DLG2: variants seen among roughly 807,000 people sequenced by gnomAD.
The protein encoded by DLG2 is discs large MAGUK scaffold protein 2.
DLG2 carries 45 observed loss-of-function variants against 132.5 expected under a neutral mutation model. That is an observed-to-expected ratio of 0.34 (90% CI 0.27 to 0.44). The LOEUF (loss-of-function observed/expected upper bound fraction) is 0.44. Ranked by LOEUF, DLG2 falls within the 20% of genes least tolerant of loss-of-function variation. DLG2 has a pLI of 1.00. For missense variants in DLG2, 1,045 were observed against 1,196.9 expected, an observed-to-expected ratio of 0.87 and a Z score of 1.87; for synonymous variants, 424 against 419.6, an observed-to-expected ratio of 1.01 and a Z score of -0.13.
intron 3 of DLG2, among the ~76,000 whole-genome samples, chr11:85,341,038 C>T (rs1489630686): frequency 6.6e-6 from 1 of 152,118 alleles, no homozygotes; most frequent in South Asian, 2.1e-4. Context: ...TGACTGAATT[C>T]TTTTCTTGTT....
rs56043190 is a variant in DLG2, at chr11:85,104,872, C to CAA, written c.357+6787_357+6788dup. On this transcript the variant is annotated intron_variant, in intron 6 of 27. Coordinates refer to ENST00000376104, the MANE Select transcript of DLG2 (RefSeq NM_001142699.3). ...TTCTATTAGATCTTTGGCTGAATGG[C>CAA]AAAAAAAAAAAAAAAAAAAAAAAAA... Among the ~76,000 whole-genome samples the CAA allele has an allele frequency of 1.4e-3, 79 of 56,044 alleles. 9 individuals carry two copies. The highest frequency in any genetic ancestry group is 3.9e-3 in the South Asian group (4 of 1,014). 36.8% of individuals were successfully genotyped at this position (56,044 alleles called of 152,430 possible). A position where few individuals can be genotyped will look rare whatever the true frequency, so the allele number is the denominator to read the frequency against.
At chr11:84,172,297 C>A (rs1609905) in intron 8 of DLG2, among the ~76,000 whole-genome samples, 2 of 151,982 alleles carry the variant, frequency 1.3e-5, no homozygotes, top group Admixed American at 1.3e-4. Context: ...TTTAAATAAA[C>A]GCTCACAAGC....
At chr11:84,670,589 A>T (rs2099704714) in intron 6 of DLG2, among the ~76,000 whole-genome samples, 1 of 152,180 alleles carries the variant, frequency 6.6e-6, no homozygotes, top group Non-Finnish European at 1.5e-5. Context: ...GCATAATATA[A>T]TAATTCAAAC....
chr11:84,657,659 T>C (rs2099689841), intron 6 of DLG2, among the ~76,000 whole-genome samples: 1 of 152,102 alleles, frequency 6.6e-6, no homozygotes. Context: ...CCTATGAGAA[T>C]CTAATGCCGT....
At chr11:84,378,797 T>C (rs1327218877) in intron 7 of DLG2, among the ~76,000 whole-genome samples, 3 of 148,756 alleles carry the variant, frequency 2.0e-5, no homozygotes, top group African/African-American at 7.7e-5. Flanking sequence ...AAAAAAAAAT[T>C]AGTTGGGCGT....
At chr11:84,088,376 A>AG in intron 10 of DLG2, among the ~76,000 whole-genome samples, 1 of 125,338 alleles carries the variant, frequency 8.0e-6, no homozygotes, top group South Asian at 2.3e-4. Context: ...TTTGCTAGAG[A>AG]AAAAAAAAAA....
At chr11:83,724,522 A>AGAGAGAGAGAGAGAGAGAG (rs1593148600) in intron 18 of DLG2, among the ~76,000 whole-genome samples, 4 of 144,430 alleles carry the variant, frequency 2.8e-5, no homozygotes, top group South Asian at 2.2e-4. Context: ...AGAGAGAGAG[A>AGAGAGAGAGAGAGAGAGAG]ATATCAAGAG....
chr11:85,083,206 A>G (rs2067469437), intron 6 of DLG2, among the ~76,000 whole-genome samples: 1 of 152,106 alleles, frequency 6.6e-6, no homozygotes, highest in African/African-American at 2.4e-5. Flanking sequence ...TATACAGCAA[A>G]AGAAACCTTA....
intron 6 of DLG2, among the ~76,000 whole-genome samples, chr11:84,875,345 T>A (rs1469377282): frequency 6.6e-6 from 1 of 152,074 alleles, no homozygotes; most frequent in Non-Finnish European, 1.5e-5. Flanking sequence ...TGATAACTAA[T>A]TTCATGCAAA....
intron 3 of DLG2, among the ~76,000 whole-genome samples, chr11:85,308,183 A>AATAAT (rs1420999188): frequency 7.4e-5 from 11 of 149,600 alleles, no homozygotes; most frequent in East Asian, 1.9e-4. Context: ...AATAAAATAA[A>AATAAT]ATAAAATAAA....
chr11:84,932,936 G>A (rs1313611339), intron 6 of DLG2, among the ~76,000 whole-genome samples: 4 of 152,140 alleles, frequency 2.6e-5, no homozygotes, highest in Non-Finnish European at 5.9e-5. Flanking sequence ...AGGAATCACC[G>A]TAATATCTTC....
chr11:84,941,828 T>C (rs2049470835), intron 6 of DLG2, among the ~76,000 whole-genome samples: 1 of 152,162 alleles, frequency 6.6e-6, no homozygotes, highest in African/African-American at 2.4e-5. Context: ...TATCAATTCT[T>C]TTTCAAATAT....
At chr11:83,577,107 A>G (rs2096885084) in intron 19 of DLG2, among the ~76,000 whole-genome samples, 1 of 152,108 alleles carries the variant, frequency 6.6e-6, no homozygotes, top group African/African-American at 2.4e-5. Context: ...TAAAGCAGGC[A>G]GAAAAACGTG....
chr11:83,655,665 C>A (rs932473380), intron 18 of DLG2, among the ~76,000 whole-genome samples: 3 of 152,182 alleles, frequency 2.0e-5, no homozygotes, highest in Non-Finnish European at 4.4e-5. Context: ...CATTGTATTC[C>A]TTTAAAGAAA....
chr11:84,401,773 C>G (rs1466672640), intron 7 of DLG2, among the ~76,000 whole-genome samples: 1 of 152,158 alleles, frequency 6.6e-6, no homozygotes, highest in Non-Finnish European at 1.5e-5. Context: ...AGCTCCGCCT[C>G]CTGGCTTCAT....
chr11:84,261,885 G>C, intron 7 of DLG2, among the ~76,000 whole-genome samples: 1 of 152,170 alleles, frequency 6.6e-6, no homozygotes, highest in East Asian at 1.9e-4. Context: ...AGGGGTAACT[G>C]CATGCTGCCC....
chr11:84,303,621 C>T (rs1005285559), intron 7 of DLG2, among the ~76,000 whole-genome samples: 1 of 152,182 alleles, frequency 6.6e-6, no homozygotes, highest in East Asian at 1.9e-4. Flanking sequence ...AACTATAGTA[C>T]TCTACCTTTC....
intron 9 of DLG2, 79 bp downstream of exon 9, chr11:84,163,382 C>A: frequency 7.6e-7 from 1 of 1,315,626 alleles, no homozygotes; most frequent in Middle Eastern, 2.2e-4. Flanking sequence ...TGTATAATTT[C>A]ACAAGACAAC....
intron 4 of DLG2, among the ~76,000 whole-genome samples, chr11:85,160,785 G>C (rs181738910): frequency 6.6e-6 from 1 of 152,154 alleles, no homozygotes; most frequent in Non-Finnish European, 1.5e-5. Flanking sequence ...TCAGTTGACA[G>C]AGGAAAAGAC....
Sources: allele counts gnomAD v4.1 joint callset (sites outside exome capture counted in the v4.1 genomes callset), GRCh38; gene constraint gnomAD v4.1.1; transcripts MANE v1.5; gene names NCBI Gene and HGNC (gene_info 2026-07-23, HGNC 2026-07-21).